Variants in NCALD observed in about 807,000 individuals in gnomAD.
NCALD encodes the protein neurocalcin-delta.
Under a neutral mutation model 18.6 loss-of-function variants are expected in NCALD, and 10 were observed. The ratio of observed to expected loss-of-function variants is 0.54; its 90% CI spans 0.33 to 0.91. NCALD has a LOEUF of 0.91. NCALD is among the 40% of genes least tolerant of loss of function. The pLI, the probability that NCALD is intolerant of heterozygous loss-of-function variation, is 0.03. For synonymous variants in NCALD, 88 were observed against 87.4 expected (o/e 1.01, Z -0.04); for missense variants, 184 against 247.6 (o/e 0.74, Z 1.72).
chr8:102,045,739 C>T (rs1228973447), intron 1 of NCALD, among the ~76,000 whole-genome samples: 1 of 152,142 alleles, frequency 6.6e-6, no homozygotes, highest in Admixed American at 6.5e-5. Context: ...CAATATTTTC[C>T]CTTAATACAT....
chr8:101,688,537 A>G lies in NCALD; in HGVS notation c.*772T>C, dbSNP rs1814563116. On this transcript the variant is annotated 3_prime_UTR_variant, in exon 4 of 4. Coordinates refer to ENST00000220931, the MANE Select transcript of NCALD (RefSeq NM_032041.3). Reference sequence around the variant, plus strand: ...GCATTTCATTTAAACAAGGCAAAACACTTAATTTGGTCTGCATTACCCAAT... The same window carrying G: ...GCATTTCATTTAAACAAGGCAAAACGCTTAATTTGGTCTGCATTACCCAAT... 1 of 378,560 alleles carries G rather than the reference A, an allele frequency of 2.6e-6. No individual in the cohort carries two copies. Among genetic ancestry groups the G allele is most frequent in the Non-Finnish European group, 5.2e-6 (1 of 191,266 alleles). 23.5% of individuals were successfully genotyped at this position (378,560 alleles called of 1,614,324 possible). A position where few individuals can be genotyped will look rare whatever the true frequency, so the allele number is the denominator to read the frequency against.
At chr8:101,722,999 T>C (rs1481984357) in intron 1 of NCALD, among the ~76,000 whole-genome samples, 1 of 152,196 alleles carries the variant, frequency 6.6e-6, no homozygotes, top group Non-Finnish European at 1.5e-5. Context: ...TTTCATTCCT[T>C]AGGTGGTGAG....
At chr8:101,886,563 C>A (rs1816682044) in intron 4 of NCALD, among the ~76,000 whole-genome samples, 1 of 152,164 alleles carries the variant, frequency 6.6e-6, no homozygotes. Flanking sequence ...AATTTCCTAA[C>A]TGTTCAATGA....
intron 4 of NCALD, among the ~76,000 whole-genome samples, chr8:101,869,189 T>C (rs532473222): frequency 3.3e-5 from 5 of 152,366 alleles, no homozygotes; most frequent in South Asian, 2.1e-4. Flanking sequence ...AAGGACACTT[T>C]ACAAATGTGA....
At chr8:102,124,507 C>CA (rs1160705189), upstream of NCALD, 181 of 48,232 alleles carry the variant, frequency 3.8e-3, 5 homozygotes, top group African/African-American at 8.5e-3. Context: ...CCCCCCCCCT[C>CA]CCCCGCTTGC....
chr8:102,063,710 G>A (rs1823917668), intron 1 of NCALD, among the ~76,000 whole-genome samples: 1 of 152,082 alleles, frequency 6.6e-6, no homozygotes, highest in Non-Finnish European at 1.5e-5. Flanking sequence ...GGAAGAGGGA[G>A]GCCTGAGAAA....
intron 2 of NCALD, among the ~76,000 whole-genome samples, chr8:101,969,800 A>G (rs1586845446): frequency 1.3e-5 from 2 of 152,360 alleles, no homozygotes; most frequent in East Asian, 3.9e-4. Context: ...TTTGACTTAC[A>G]AAAACAATTT....
chr8:102,008,007 A>G (rs914668196), intron 2 of NCALD, among the ~76,000 whole-genome samples: 4 of 152,190 alleles, frequency 2.6e-5, no homozygotes, highest in Non-Finnish European at 5.9e-5. Flanking sequence ...TTCCCCCTCT[A>G]TACCCATATT....
intron 1 of NCALD, among the ~76,000 whole-genome samples, chr8:101,779,212 A>C: frequency 6.6e-6 from 1 of 152,204 alleles, no homozygotes; most frequent in Non-Finnish European, 1.5e-5. Context: ...AGTCTAAGAA[A>C]GGGGTAGATG....
At chr8:102,108,907 A>G (rs1452786608) in intron 1 of NCALD, among the ~76,000 whole-genome samples, 1 of 152,216 alleles carries the variant, frequency 6.6e-6, no homozygotes, top group Non-Finnish European at 1.5e-5. Flanking sequence ...ACATAATATA[A>G]TGAACTATCG....
intron 1 of NCALD, among the ~76,000 whole-genome samples, chr8:102,034,152 C>T (rs73281415): frequency 6.6e-6 from 1 of 151,940 alleles, no homozygotes; most frequent in African/African-American, 2.4e-5. Flanking sequence ...TTTCCTTTCC[C>T]CAAGTGTGTC....
At chr8:101,702,711 G>A (rs1050253249) in intron 2 of NCALD, among the ~76,000 whole-genome samples, 2 of 152,198 alleles carry the variant, frequency 1.3e-5, no homozygotes, top group African/African-American at 4.8e-5. Context: ...GGTGCGCAAC[G>A]GCAGAAGAGC....
chr8:101,726,559 T>C (rs1816582576), intron 1 of NCALD, among the ~76,000 whole-genome samples: 1 of 152,120 alleles, frequency 6.6e-6, no homozygotes, highest in African/African-American at 2.4e-5. Flanking sequence ...AAGGATAAAG[T>C]TAACATTTAT....
chr8:102,026,136 G>A (rs1023375665), intron 1 of NCALD, among the ~76,000 whole-genome samples: 1 of 152,148 alleles, frequency 6.6e-6, no homozygotes, highest in African/African-American at 2.4e-5. Context: ...TGAGATTTAG[G>A]TGGGGACACA....
intron 2 of NCALD, among the ~76,000 whole-genome samples, chr8:101,715,224 G>A (rs1388165018): frequency 6.6e-6 from 1 of 152,114 alleles, no homozygotes; most frequent in Non-Finnish European, 1.5e-5. Context: ...AACAAGAAAT[G>A]GGGAAAGGAT....
At position 101,876,111 on chromosome 8, in the gene NCALD, T is replaced by C. The variant is rs1226418484; in HGVS notation, c.-20+11030A>G. Among the ~76,000 whole-genome samples, 2 of 152,206 alleles carry C rather than the reference T, an allele frequency of 1.3e-5. 1 individual carries two copies. Among genetic ancestry groups the C allele is most frequent in the South Asian group, 4.1e-4 (2 of 4,832 alleles). ...ATTTAAGAGGTCAAGCTAGGATGACTGTGGAGAAAGAAAAAGGGAAAATAG... is the reference window on the plus strand; with the variant it reads ...ATTTAAGAGGTCAAGCTAGGATGACCGTGGAGAAAGAAAAAGGGAAAATAG... On this transcript the variant is annotated intron_variant, in intron 4 of 6. Transcript: ENST00000311028.
chr8:102,037,730 C>T (rs1893534), intron 1 of NCALD, among the ~76,000 whole-genome samples: 21,577 of 152,028 alleles, frequency 0.14, 1,847 homozygotes, highest in Non-Finnish European at 0.2. Context: ...TCCTGATAGG[C>T]CACTGCCTTC....
At chr8:102,037,474 A>C (rs1304956253) in intron 1 of NCALD, among the ~76,000 whole-genome samples, 1 of 152,192 alleles carries the variant, frequency 6.6e-6, no homozygotes, top group Non-Finnish European at 1.5e-5. Context: ...TAGTTCGTAG[A>C]TGTTGTATAC....
rs199567578 is a variant in NCALD at position 101,999,754 on chromosome 8, T to TG, written c.-157+20482_-157+20483insC. 7.3e-3 allele frequency among the ~76,000 whole-genome samples: 1,111 copies of TG among 152,082 alleles called. 12 individuals are homozygous for TG. Among genetic ancestry groups the TG allele is most frequent in the African/African-American group, 0.022 (912 of 41,484 alleles). On this transcript the variant is annotated intron_variant, in intron 2 of 6. Coordinates refer to the NCALD transcript ENST00000311028. Reference sequence around the variant, plus strand: ...AGGCTATTATTCTCTAAAAATAAAATAATAACATTCAAGTGCTTATTCCTT... The same window carrying TG: ...AGGCTATTATTCTCTAAAAATAAAATGAATAACATTCAAGTGCTTATTCCTT...
Sources: gnomAD v4.1 joint callset for allele counts (sites outside exome capture counted in the v4.1 genomes callset) on GRCh38, gnomAD v4.1.1 for gene constraint, MANE v1.5 for transcripts, NCBI Gene and HGNC (gene_info 2026-07-23, HGNC 2026-07-21) for gene names.